Variants in DLGAP2 observed in about 807,000 individuals in gnomAD.
DLGAP2 encodes disks large-associated protein 2.
Under a neutral mutation model 100.3 loss-of-function variants are expected in DLGAP2, and 26 were observed. That is an observed-to-expected ratio of 0.26 (90% CI 0.19 to 0.36). The LOEUF (loss-of-function observed/expected upper bound fraction) is 0.36. Ranked by LOEUF, DLGAP2 falls within the 10% of genes least tolerant of loss-of-function variation. DLGAP2 has a pLI of 1.00. For missense variants in DLGAP2, 1,858 were observed against 1,453.2 expected (o/e 1.28, Z -4.53); for synonymous variants, 886 against 630.1 (o/e 1.41, Z -6.08).
At chr8:1,464,347 CGGCACCCTTCCAG>C (rs1798557063) in intron 3 of DLGAP2, among the ~76,000 whole-genome samples, 1 of 112,890 alleles carries the variant, frequency 8.9e-6, no homozygotes. Flanking sequence ...CCTTCCAGGA[CGGCACCCTTCCAG>C]GACAACGCCC....
intron 2 of DLGAP2, among the ~76,000 whole-genome samples, chr8:1,199,616 G>T (rs1585145006): frequency 6.6e-6 from 1 of 152,264 alleles, no homozygotes; most frequent in Admixed American, 6.5e-5. Flanking sequence ...CCAAACTCAT[G>T]CCAGCCAGAT....
intron 1 of DLGAP2, among the ~76,000 whole-genome samples, chr8:825,185 C>T (rs73181039): frequency 6.6e-6 from 1 of 152,304 alleles, no homozygotes; most frequent in Non-Finnish European, 1.5e-5. Context: ...TCTCTGCTAC[C>T]GTACGGCTGT....
At chr8:1,197,834 C>T (rs553807395) in intron 2 of DLGAP2, among the ~76,000 whole-genome samples, 1 of 152,208 alleles carries the variant, frequency 6.6e-6, no homozygotes, top group African/African-American at 2.4e-5. Flanking sequence ...CGTTCCCTCC[C>T]ATGGGGGATG....
At chr8:1,626,950 C>G (rs577924716) in intron 7 of DLGAP2, 63 bp downstream of exon 7, 4 of 1,526,768 alleles carry the variant, frequency 2.6e-6, no homozygotes, top group Non-Finnish European at 3.5e-6. Flanking sequence ...GGCACGGAGG[C>G]CCCGGCCGCA....
intron 2 of DLGAP2, among the ~76,000 whole-genome samples, chr8:1,107,582 C>T (rs937013853): frequency 3.3e-5 from 5 of 152,182 alleles, no homozygotes; most frequent in African/African-American, 1.2e-4. Context: ...GGTGGAAACA[C>T]GGAGGCAGCT....
intron 6 of DLGAP2, among the ~76,000 whole-genome samples, chr8:1,590,247 C>T (rs771144276): frequency 6.6e-6 from 1 of 152,222 alleles, no homozygotes; most frequent in African/African-American, 2.4e-5. Context: ...TTCTGAGGCA[C>T]TGGGGGTGAG....
intron 3 of DLGAP2, among the ~76,000 whole-genome samples, chr8:1,289,704 C>G (rs943378694): frequency 1.3e-5 from 2 of 152,146 alleles, no homozygotes; most frequent in African/African-American, 4.8e-5. Flanking sequence ...AGAAGTACCC[C>G]CCCGAGGCTA....
chr8:839,377 C>T (rs1047226039), intron 1 of DLGAP2, among the ~76,000 whole-genome samples: 18 of 152,146 alleles, frequency 1.2e-4, no homozygotes, highest in Admixed American at 2.6e-4. Flanking sequence ...GATATAGATG[C>T]ACAATGGAAT....
At position 1,527,896 on chromosome 8, in the gene DLGAP2, G is replaced by A. The variant is rs564589984; in HGVS notation, c.173-20730G>A. Among the ~76,000 whole-genome samples, 17 of 150,878 alleles carry A rather than the reference G, an allele frequency of 1.1e-4. 1 individual carries two copies. The highest frequency in any genetic ancestry group is 3.9e-4 in the African/African-American group (16 of 41,058). ...AAAAAAATACACAGCTCATCTTTAT[G>A]TTCAACTATGCTTTTAAGTATCTGC... On this transcript the variant is annotated intron_variant, in intron 4 of 14. Transcript: ENST00000637795.
chr8:1,309,628 AG>A (rs1463245145), intron 3 of DLGAP2, among the ~76,000 whole-genome samples: 2 of 152,246 alleles, frequency 1.3e-5, no homozygotes, highest in African/African-American at 4.8e-5. Context: ...ATTAGCTCAA[AG>A]CTATATGAAG....
In DLGAP2 at chr8:1,062,626, TG is replaced by T. The variant is rs570656249; in HGVS notation, c.73+154661del. Among the ~76,000 whole-genome samples the T allele has an allele frequency of 2.6e-5, 4 of 152,310 alleles. No individual in the cohort carries two copies. The South Asian group carries it at 8.3e-4, about 32-fold the overall frequency. On this transcript the variant is annotated intron_variant, in intron 2 of 14. Transcript: ENST00000637795. ...CAATAGCCGCTTTCCCTCGATACTT[TG>T]CAGCATGTTTTTCCCTTGCCCTCCC...
At chr8:836,706 G>T (rs983259757) in intron 1 of DLGAP2, among the ~76,000 whole-genome samples, 26 of 152,230 alleles carry the variant, frequency 1.7e-4, no homozygotes, top group African/African-American at 5.5e-4. Context: ...TGGAGAGAGG[G>T]CCCTGCTGGG....
intron 3 of DLGAP2, among the ~76,000 whole-genome samples, chr8:1,344,585 G>C (rs569502672): frequency 1.3e-5 from 2 of 152,280 alleles, no homozygotes; most frequent in South Asian, 2.1e-4. Flanking sequence ...TCCTATGATA[G>C]ACTAAGAGTG....
chr8:1,138,490 G>T (rs1344763594), intron 2 of DLGAP2, among the ~76,000 whole-genome samples: 3 of 152,194 alleles, frequency 2.0e-5, no homozygotes, highest in Non-Finnish European at 2.9e-5. Context: ...GGTCCACGGG[G>T]CCCTGAAAAT....
intron 5 of DLGAP2, among the ~76,000 whole-genome samples, chr8:1,556,733 G>A (rs931114518): frequency 1.3e-5 from 2 of 152,210 alleles, no homozygotes; most frequent in Non-Finnish European, 2.9e-5. Flanking sequence ...GTGGGCAGCT[G>A]AACTCTAAAC....
At chr8:963,716 C>T (rs989146866) in intron 2 of DLGAP2, among the ~76,000 whole-genome samples, 5 of 152,102 alleles carry the variant, frequency 3.3e-5, no homozygotes, top group African/African-American at 1.2e-4. Flanking sequence ...GTCTGGGTAA[C>T]CAAAGATTTC....
chr8:1,683,066 A>G (rs1251395588), intron 12 of DLGAP2, among the ~76,000 whole-genome samples: 1 of 151,680 alleles, frequency 6.6e-6, no homozygotes, highest in African/African-American at 2.4e-5. Flanking sequence ...TGATGCAACA[A>G]TGAGTAAGAC....
chr8:1,420,757 A>G (rs1477643759), intron 3 of DLGAP2, among the ~76,000 whole-genome samples: 1 of 151,932 alleles, frequency 6.6e-6, no homozygotes, highest in Non-Finnish European at 1.5e-5. Flanking sequence ...GCTCGGTGGT[A>G]ATCTTGTTAA....
At chr8:804,840 A>G (rs1460913949) in intron 1 of DLGAP2, among the ~76,000 whole-genome samples, 1 of 152,114 alleles carries the variant, frequency 6.6e-6, no homozygotes, top group Admixed American at 6.5e-5. Flanking sequence ...ATCATGGCTC[A>G]CTGCAGCCTC....
Sources: gnomAD v4.1 joint callset for allele counts (sites outside exome capture counted in the v4.1 genomes callset) on GRCh38, gnomAD v4.1.1 for gene constraint, MANE v1.5 for transcripts, NCBI Gene and HGNC (gene_info 2026-07-23, HGNC 2026-07-21) for gene names.